TULP1: variants seen among roughly 807,000 people sequenced by gnomAD.
TULP1 encodes the protein TUB like protein 1, also known as tubby-related protein 1.
A neutral mutation model predicts 67.1 loss-of-function variants in TULP1; 50 were observed. The observed-to-expected ratio is 0.75, with a 90% CI of 0.59 to 0.94. The LOEUF (loss-of-function observed/expected upper bound fraction) is 0.94, where lower values mean the gene tolerates loss of function less well. TULP1 is among the 40% of genes least tolerant of loss of function. TULP1 has a pLI of 0.00. For synonymous variants in TULP1, 297 were observed against 294.0 expected, an observed-to-expected ratio of 1.01 and a Z score of -0.11; for missense variants, 746 against 734.1, an observed-to-expected ratio of 1.02 and a Z score of -0.19.
chr6:35,512,690 A>C lies in TULP1; in HGVS notation c.48T>G (p.Ser16Arg). ...ETLREVWASD[S>R]GHEEESLSPE... ...GGCTCAGGCTTTCTTCTTCATGCCC[A>C]CTGAGGGTAGCAAAGGGATCAGCCT... The change falls in exon 2 of 15, where the codon AGT becomes AGG. Residue 16 changes from serine (S) to arginine (R), a missense_variant and splice_region_variant. Physicochemically the swap from Ser to Arg is moderately radical, Grantham distance 110. Transcript: ENST00000229771. 6.2e-7 allele frequency: 1 copy of C among 1,613,906 alleles called. No homozygotes were observed. Among genetic ancestry groups the C allele is most frequent in the South Asian group, 1.1e-5 (1 of 91,068 alleles).
intron 2 of TULP1, 66 bp from the exon 3 acceptor site, chr6:35,512,336 C>A: frequency 2.3e-6 from 2 of 851,784 alleles, no homozygotes; most frequent in Non-Finnish European, 3.5e-6. Flanking sequence ...GCCCATCCCC[C>A]TCTAATCCCT....
rs1206560783 is a variant in TULP1, at chr6:35,498,781, TTC to T, written c.1496-323_1496-322del. 1.3e-5 allele frequency among the ~76,000 whole-genome samples: 2 copies of T among 152,146 alleles called. No homozygotes were observed. Among genetic ancestry groups the T allele is most frequent in the South Asian group, 2.1e-4 (1 of 4,834 alleles). On this transcript the variant is annotated intron_variant, in intron 14 of 14. Coordinates refer to ENST00000229771, the MANE Select transcript of TULP1 (RefSeq NM_003322.6). The surrounding 1 kb of genome is among the most constrained non-coding windows in gnomAD (Gnocchi z 6.7). ...AAGCCCAGCATTCTTCCTTCCCAAA[TTC>T]TCTGTTGTTTCTGGCCACAGTCTTT...
chr6:35,508,098 G>A lies in TULP1; in HGVS notation c.822+1111C>T, dbSNP rs562932958. On this transcript the variant is annotated intron_variant, in intron 8 of 14. Transcript: ENST00000229771. ...CTCCTCCCAAAGTGCTGGGATTACA[G>A]GCATGAGCCACTTTGCCTGGCCATG... Among the ~76,000 whole-genome samples the A allele has an allele frequency of 1.1e-4, 16 of 152,320 alleles. No individual in the cohort carries two copies. In the East Asian group the frequency reaches 3.1e-3, roughly 29 times the overall value.
At chr6:35,506,199 G>C (rs1211264121) in intron 9 of TULP1, 26 bp from the exon 10 acceptor site, 2 of 1,613,096 alleles carry the variant, frequency 1.2e-6, no homozygotes, top group South Asian at 2.2e-5. Context: ...GGGTACATCA[G>C]CCCCAGAGCA....
At chr6:35,510,650 G>T in intron 5 of TULP1, 1 of 1,001,878 alleles carries the variant, frequency 1.0e-6, no homozygotes, top group Non-Finnish European at 1.4e-6. Flanking sequence ...AGCTCAAGGG[G>T]CAGGGGCAGT....
chr6:35,511,621 A>T, intron 4 of TULP1, 27 bp downstream of exon 4: 1 of 1,578,990 alleles, frequency 6.3e-7, no homozygotes, highest in Non-Finnish European at 8.6e-7. Context: ...CCGCCCCCTC[A>T]CCCGCGTCCC....
rs563675430 is a variant in TULP1 at position 35,505,455 on chromosome 6, G to A, written c.1112+286C>T. On this transcript the variant is annotated intron_variant, in intron 11 of 14. Transcript: ENST00000229771. Reference sequence around the variant, plus strand: ...CAAGGCAGGCACAGTGCCTGCCCTCGTGGAACTTATGCCCTGCTCCAAGTG... The same window carrying A: ...CAAGGCAGGCACAGTGCCTGCCCTCATGGAACTTATGCCCTGCTCCAAGTG... 175 of 683,562 alleles carry A rather than the reference G, an allele frequency of 2.6e-4. 1 individual carries two copies. Among genetic ancestry groups the A allele is most frequent in the African/African-American group, 2.5e-3 (138 of 55,906 alleles). 42.3% of individuals were successfully genotyped at this position (683,562 alleles called of 1,614,324 possible).
intron 11 of TULP1, among the ~76,000 whole-genome samples, chr6:35,504,491 G>C (rs541767713): frequency 2.0e-5 from 3 of 152,272 alleles, no homozygotes; most frequent in South Asian, 4.1e-4. Context: ...TATAAAATGG[G>C]CTGAGCAACA....
rs2150924260 is a variant in TULP1 at position 35,503,796 on chromosome 6, G to A, written c.1165C>T (p.Gln389Ter). The change falls in exon 12 of 15, where the codon CAG (glutamine) becomes TAG (stop). Residue 389 changes from glutamine to a stop codon, truncating the protein, a stop_gained. Transcript: ENST00000229771. LOFTEE classifies it high-confidence loss of function. The surrounding 1 kb of genome is among the most constrained non-coding windows in gnomAD (Gnocchi z 4.0). ...FTVFDNGQNP[Q>*]RGYSTNVASL... is the part of the protein sequence containing the mutation. ...GCCACATTAGTGCTGTACCCACGCT[G>A]TGGGTTCTGCCCGTTGTCAAAGACC... The A allele has an allele frequency of 2.5e-6, 4 of 1,613,466 alleles. No individual in the cohort carries two copies. The highest frequency in any genetic ancestry group is 3.4e-6 in the Non-Finnish European group (4 of 1,179,890).
intron 5 of TULP1, among the ~76,000 whole-genome samples, chr6:35,510,508 T>A (rs1353189303): frequency 1.3e-5 from 2 of 152,208 alleles, no homozygotes; most frequent in Non-Finnish European, 2.9e-5. Flanking sequence ...CAGCATTGAT[T>A]CATTGATTTC....
Position 35,498,215 on chromosome 6 carries a change from C to A in TULP1, c.*112G>T. 6.7e-7 allele frequency: 1 copy of A among 1,503,406 alleles called. No homozygotes were observed. The highest frequency in any genetic ancestry group is 2.0e-5 in the Admixed American group (1 of 50,806). The allele number at this position is 1,503,406 out of a possible 1,614,324, so 93.1% of individuals were successfully genotyped here. On this transcript the variant is annotated 3_prime_UTR_variant, in exon 15 of 15. Transcript: ENST00000229771. This position sits in a 1 kb window ranked among gnomAD's most constrained non-coding sequence, Gnocchi z 6.7. ...ACCGAGAGGCAGTGAGAGGTCAGCC[C>A]CGACACAGGAGCAGTTTTCCGCGGG...
chr6:35,498,494 G>A lies in TULP1; in HGVS notation c.1496-34C>T. The stretch of plus-strand genomic sequence containing the variant: ...ACAAGACGGGGTGGGGGCGGCCCGA[G>A]ACCTCCTTGGACCCCCATCCTGGCA... On this transcript the variant is annotated intron_variant, in intron 14 of 14. Transcript: ENST00000229771. The surrounding 1 kb of genome is among the most constrained non-coding windows in gnomAD (Gnocchi z 6.7). 2 of 1,612,270 alleles carry A rather than the reference G, an allele frequency of 1.2e-6. No individual in the cohort carries two copies. Among genetic ancestry groups the A allele is most frequent in the Non-Finnish European group, 8.5e-7 (1 of 1,179,592 alleles).
In TULP1 at chr6:35,503,157, C is replaced by T. The variant is rs1254464113; in HGVS notation, c.1323+402G>A. ...GTTTCACCATGTTAGCCAGGATAGTCTCGATCTCCTGACCTCGTGATCCGC... is the reference window on the plus strand; with the variant it reads ...GTTTCACCATGTTAGCCAGGATAGTTTCGATCTCCTGACCTCGTGATCCGC... On this transcript the variant is annotated intron_variant, in intron 13 of 14. Transcript: ENST00000229771. The surrounding 1 kb of genome is among the most constrained non-coding windows in gnomAD (Gnocchi z 4.0). 6.6e-6 allele frequency among the ~76,000 whole-genome samples: 1 copy of T among 152,092 alleles called. No individual in the cohort carries two copies. The highest frequency in any genetic ancestry group is 1.5e-5 in the Non-Finnish European group (1 of 68,034).
Position 35,503,550 on chromosome 6 carries a change from G to A in TULP1, c.1323+9C>T, listed in dbSNP as rs769417336. The stretch of plus-strand genomic sequence containing the variant: ...AGGGAGCCAGGGGCCAGGGAGGTGC[G>A]GGGCTCACATTTCGGGGCCGGATGG... On this transcript the variant is annotated intron_variant, in intron 13 of 14. Transcript: ENST00000229771. This position sits in a 1 kb window ranked among gnomAD's most constrained non-coding sequence, Gnocchi z 4.0. 10 of 1,560,290 alleles carry A rather than the reference G, an allele frequency of 6.4e-6. No homozygotes were observed. Among genetic ancestry groups the A allele is most frequent in the African/African-American group, 4.1e-5 (3 of 73,506 alleles).
At chr6:35,510,666 C>T (rs987168062) in intron 5 of TULP1, 195 bp downstream of exon 5, 3 of 1,235,540 alleles carry the variant, frequency 2.4e-6, no homozygotes, top group Admixed American at 2.4e-5. Flanking sequence ...GCAGTGGGGC[C>T]AGGGGTGGAG....
rs768029952 is a variant in TULP1, at chr6:35,509,228, G to T, written c.803C>A (p.Ala268Asp). The change falls in exon 8 of 15, where the codon GCC (alanine) becomes GAC (aspartate). Residue 268 changes from alanine (A) to aspartate (D), a missense_variant. By Grantham distance (126) the Ala-to-Asp change is moderately radical (BLOSUM62 -2). Transcript: ENST00000229771. ...CCCAACCTTTTTGCCTTTTCCTTTG[G>T]CTTTGCCCTTTTGATTGCTCTTCTT... The part of the protein sequence containing the change: ...VIKKSNQKGK[A>D]KGKGKKKAKE... 1.2e-6 allele frequency: 2 copies of T among 1,613,920 alleles called. No individual in the cohort carries two copies. Among genetic ancestry groups the T allele is most frequent in the Middle Eastern group, 1.6e-4 (1 of 6,062 alleles).
chr6:35,503,534 G>A lies in TULP1; in HGVS notation c.1323+25C>T. ...CTCCTGTTTCTCACATAGGGAGCCA[G>A]GGGCCAGGGAGGTGCGGGGCTCACA... On this transcript the variant is annotated intron_variant, in intron 13 of 14. Transcript: ENST00000229771. The surrounding 1 kb of genome is among the most constrained non-coding windows in gnomAD (Gnocchi z 4.0). 6.4e-7 allele frequency: 1 copy of A among 1,551,486 alleles called. No homozygotes were observed. The highest frequency in any genetic ancestry group is 8.7e-7 in the Non-Finnish European group (1 of 1,146,304).
At chr6:35,500,198 G>A in intron 13 of TULP1, 46 bp from the exon 14 acceptor site, 1 of 1,604,844 alleles carries the variant, frequency 6.2e-7, no homozygotes, top group Non-Finnish European at 8.5e-7. Context: ...AGTTAGAGAT[G>A]GCTGAGATGG....
chr6:35,507,945 G>A (rs2150926432), intron 8 of TULP1, among the ~76,000 whole-genome samples: 1 of 152,284 alleles, frequency 6.6e-6, no homozygotes, highest in Non-Finnish European at 1.5e-5. Context: ...CTCCTAAGTA[G>A]CTGGGACTAC....
Sources: allele counts gnomAD v4.1 joint callset (sites outside exome capture counted in the v4.1 genomes callset), GRCh38; gene constraint gnomAD v4.1.1; non-coding constraint Gnocchi (gnomAD v3.1); transcripts MANE v1.5; gene names NCBI Gene and HGNC (gene_info 2026-07-23, HGNC 2026-07-21).